TMEM71: variants seen among roughly 807,000 people sequenced by gnomAD.
TMEM71 encodes the protein transmembrane protein 71.
A neutral mutation model predicts 38.0 loss-of-function variants in TMEM71; 44 were observed. The observed-to-expected ratio is 1.16, with a 90% CI of 0.91 to 1.49. The LOEUF (loss-of-function observed/expected upper bound fraction) is 1.49, where lower values mean the gene tolerates loss of function less well. Among genes scored for constraint, TMEM71 ranks in the 40% most tolerant of loss-of-function variants. The pLI is 0.00. For synonymous variants in TMEM71, 133 were observed against 122.5 expected, an observed-to-expected ratio of 1.09 and a Z score of -0.56; for missense variants, 367 against 348.6, an observed-to-expected ratio of 1.05 and a Z score of -0.42.
chr8:132,759,105 C>T (rs913562515), intron 1 of TMEM71, among the ~76,000 whole-genome samples, 190 bp from the exon 2 acceptor site: 6 of 152,188 alleles, frequency 3.9e-5, no homozygotes, highest in Non-Finnish European at 8.8e-5. Flanking sequence ...TATGACTGAA[C>T]ATTTTCCATT....
At chr8:132,752,639 C>T (rs1039821749) in intron 3 of TMEM71, among the ~76,000 whole-genome samples, 2 of 151,952 alleles carry the variant, frequency 1.3e-5, no homozygotes, top group Non-Finnish European at 2.9e-5. Context: ...AAGGCTAAGG[C>T]AGGAGGATCC....
intron 9 of TMEM71, among the ~76,000 whole-genome samples, chr8:132,712,707 G>A (rs1826299086): frequency 6.6e-6 from 1 of 152,124 alleles, no homozygotes; most frequent in Non-Finnish European, 1.5e-5. Context: ...CAGCAACTGA[G>A]CTAAACTTGG....
intron 5 of TMEM71, among the ~76,000 whole-genome samples, chr8:132,746,434 T>C (rs1307452532): frequency 1.9e-3 from 32 of 16,518 alleles, no homozygotes; most frequent in Non-Finnish European, 2.3e-3. Context: ...TATACATATA[T>C]ATATACATAT....
At chr8:132,718,094 A>T (rs1826631157) in intron 7 of TMEM71, among the ~76,000 whole-genome samples, 1 of 152,212 alleles carries the variant, frequency 6.6e-6, no homozygotes, top group South Asian at 2.1e-4. Context: ...AAGAGGAAGG[A>T]AAGGAGAGTA....
intron 7 of TMEM71, among the ~76,000 whole-genome samples, chr8:132,718,185 A>C (rs1826637049): frequency 1.3e-5 from 2 of 152,208 alleles, no homozygotes; most frequent in South Asian, 4.1e-4. Flanking sequence ...ACAATTTTGT[A>C]AATATACTAA....
At position 132,722,048 on chromosome 8, in the gene TMEM71, T is replaced by C; in HGVS notation, c.744A>G (p.Ala248=). 1 of 1,613,750 alleles carries C rather than the reference T, an allele frequency of 6.2e-7. No homozygotes were observed. The highest frequency in any genetic ancestry group is 1.1e-5 in the South Asian group (1 of 91,070). The change falls in exon 7 of 10, where the codon GCA becomes GCG. Residue 248 remains alanine, a synonymous_variant. Coordinates refer to ENST00000677595, the MANE Select transcript of TMEM71 (RefSeq NM_001382403.1). ...ILLAVCLIIS[A]CARWFMGEIL... The stretch of plus-strand genomic sequence containing the variant: ...AATAAAACGTGAATTACCTTGCACA[T>C]GCAGAAATGATTAAGCACACAGCAA...
chr8:132,775,913 C>G, the TMEM71 span, among the ~76,000 whole-genome samples: 2 of 152,210 alleles, frequency 1.3e-5, no homozygotes, highest in African/African-American at 4.8e-5. Context: ...GTGCCACCCC[C>G]TCTCTGTCTG....
At chr8:132,746,052 C>G (rs1243332160) in intron 5 of TMEM71, among the ~76,000 whole-genome samples, 1 of 147,744 alleles carries the variant, frequency 6.8e-6, no homozygotes, top group Non-Finnish European at 1.5e-5. Flanking sequence ...GGTTGAACAA[C>G]TAACTGTTGG....
chr8:132,751,565 A>C (rs1437008158), intron 4 of TMEM71, among the ~76,000 whole-genome samples: 1 of 152,202 alleles, frequency 6.6e-6, no homozygotes, highest in Non-Finnish European at 1.5e-5. Flanking sequence ...TGGAGCAATA[A>C]TGGGCTCCTT....
chr8:132,751,672 T>C (rs1167036592), intron 4 of TMEM71, 113 bp downstream of exon 4: 1 of 1,008,954 alleles, frequency 9.9e-7, no homozygotes, highest in Non-Finnish European at 1.5e-6. Context: ...ATTTCCACAG[T>C]CTGGAGCAAT....
chr8:132,775,527 C>G, the TMEM71 span: 2 of 373,466 alleles, frequency 5.4e-6, no homozygotes, highest in East Asian at 7.8e-5. Flanking sequence ...TCCGCTCCTG[C>G]TCCCTCCCCG....
intron 4 of TMEM71, among the ~76,000 whole-genome samples, chr8:132,748,859 C>T (rs1424670719): frequency 6.6e-6 from 1 of 152,176 alleles, no homozygotes; most frequent in Non-Finnish European, 1.5e-5. Context: ...ACCATCTGAG[C>T]TGGAATCCTA....
In TMEM71 at chr8:132,714,044, A is replaced by T. The variant is rs1826373528; in HGVS notation, c.823T>A (p.Ser275Thr). 6.2e-7 allele frequency: 1 copy of T among 1,614,006 alleles called. No individual in the cohort carries two copies. Among genetic ancestry groups the T allele is most frequent in the African/African-American group, 1.3e-5 (1 of 74,942 alleles). ...TAGCTGGCAAGGCTGAGAAACAATG[A>T]TTTCACATCTTGAGTGAAACAGAGA... ...SLMITVAYVK[S>T]LFLSLASYFK... Residue 275 changes from serine to threonine, a missense_variant, in exon 9 of 10, where the codon TCA (serine) becomes ACA (threonine). Coordinates refer to ENST00000677595, the MANE Select transcript of TMEM71 (RefSeq NM_001382403.1).
At chr8:132,757,053 ATT>A (rs11345876) in intron 3 of TMEM71, among the ~76,000 whole-genome samples, 179 bp downstream of exon 3, 91,692 of 143,444 alleles carry the variant, frequency 0.64, 30,301 homozygotes, top group South Asian at 0.76. Flanking sequence ...CGCAGCGCTG[ATT>A]TTTTTTTTTT....
the TMEM71 span, among the ~76,000 whole-genome samples, chr8:132,772,746 A>G: frequency 1.3e-5 from 2 of 152,216 alleles, no homozygotes; most frequent in East Asian, 1.9e-4. Flanking sequence ...AAAATCATAT[A>G]TATTTCAATA....
At chr8:132,741,234 G>A (rs544337766) in intron 5 of TMEM71, among the ~76,000 whole-genome samples, 11 of 152,190 alleles carry the variant, frequency 7.2e-5, no homozygotes, top group African/African-American at 9.6e-5. Context: ...GTGGTGGCGC[G>A]TGCCTGTAAT....
At chr8:132,772,597 C>T in the TMEM71 span, among the ~76,000 whole-genome samples, 1 of 152,104 alleles carries the variant, frequency 6.6e-6, no homozygotes, top group Admixed American at 6.5e-5. Context: ...TTAGTGCCTT[C>T]CTTTTAGAGT....
chr8:132,759,894 T>C (rs907053477), intron 1 of TMEM71, among the ~76,000 whole-genome samples: 18 of 152,202 alleles, frequency 1.2e-4, no homozygotes, highest in African/African-American at 3.1e-4. Context: ...CTGGCCTTCC[T>C]TGGAAGATTT....
chr8:132,772,029 T>C, the TMEM71 span, among the ~76,000 whole-genome samples: 3 of 152,334 alleles, frequency 2.0e-5, no homozygotes, highest in African/African-American at 7.2e-5. Context: ...TTTACGTTTC[T>C]GCTAAACTAA....
Sources: gnomAD v4.1 joint callset for allele counts (sites outside exome capture counted in the v4.1 genomes callset) on GRCh38, gnomAD v4.1.1 for gene constraint, MANE v1.5 for transcripts, NCBI Gene and HGNC (gene_info 2026-07-23, HGNC 2026-07-21) for gene names.